TRIM37: variants seen among roughly 807,000 people sequenced by gnomAD.
The protein encoded by TRIM37 is E3 ubiquitin-protein ligase TRIM37.
A neutral mutation model predicts 129.8 loss-of-function variants in TRIM37; 80 were observed. That is an observed-to-expected ratio of 0.62 (90% confidence interval 0.51 to 0.74). The LOEUF (loss-of-function observed/expected upper bound fraction) is 0.74. Ranked by LOEUF, TRIM37 falls within the 30% of genes least tolerant of loss-of-function variation. The probability of loss-of-function intolerance (pLI) is 0.00; values close to 1 mark genes in which losing one functional copy is unlikely to be tolerated. For synonymous variants in TRIM37, 389 were observed against 387.1 expected (o/e 1.00, Z -0.06); for missense variants, 1,054 against 1,176.5 (o/e 0.90, Z 1.52).
intron 1 of TRIM37, chr17:59,104,599 T>C (rs1275076893): frequency 2.8e-6 from 2 of 706,888 alleles, no homozygotes; most frequent in East Asian, 2.6e-5. Flanking sequence ...ACGATGATTC[T>C]ATTCTAAGGA....
intron 18 of TRIM37, among the ~76,000 whole-genome samples, chr17:59,030,192 G>A (rs1024111789): frequency 6.6e-6 from 1 of 151,694 alleles, no homozygotes; most frequent in Non-Finnish European, 1.5e-5. Flanking sequence ...TGCAACCTCC[G>A]ACTCCCAGGT....
Position 59,106,400 on chromosome 17 carries a change from G to A in TRIM37, c.21+41C>T, listed in dbSNP as rs200430171. ...TCCCCGAATAAAAACCGCTCATCGG[G>A]TGGGGGCGGGGACTAACCACCACCC... On this transcript the variant is annotated intron_variant, in intron 1 of 23. Coordinates refer to ENST00000262294, the MANE Select transcript of TRIM37 (RefSeq NM_015294.6). The A allele has an allele frequency of 6.2e-6, 10 of 1,613,538 alleles. No individual in the cohort carries two copies. In the Admixed American group the frequency reaches 1.5e-4, roughly 24 times the overall value.
Position 59,049,222 on chromosome 17 carries a change from CTT to C in TRIM37, c.1484_1485del (p.Lys495ArgfsTer3). On this transcript the variant is annotated frameshift_variant, in exon 15 of 24. Coordinates refer to ENST00000262294, the MANE Select transcript of TRIM37 (RefSeq NM_015294.6). LOFTEE classifies it high-confidence loss of function. ...ATCTTCTCCTCATCTTCTTCATCCT[CTT>C]TGGCCTCTCTTACAGAAGCTGTAGT... The part of the protein sequence containing the change: ...GPTTASVREA[K>X]EDEEDEEKIQ... 1 of 1,614,118 alleles carries C rather than the reference CTT, an allele frequency of 6.2e-7. No individual in the cohort carries two copies. Among genetic ancestry groups the C allele is most frequent in the Non-Finnish European group, 8.5e-7 (1 of 1,180,038 alleles).
At chr17:59,042,448 AAATAT>A (rs1366102959) in intron 16 of TRIM37, among the ~76,000 whole-genome samples, 1 of 45,210 alleles carries the variant, frequency 2.2e-5, no homozygotes, top group Admixed American at 3.3e-4. Context: ...AAAAAAAAAA[AAATAT>A]ATATATATAT....
chr17:58,987,046 C>T (rs192105484), intron 24 of TRIM37, among the ~76,000 whole-genome samples: 19 of 152,272 alleles, frequency 1.2e-4, no homozygotes, highest in African/African-American at 4.6e-4. Flanking sequence ...GCCCCAGTCA[C>T]GCAACCTCCA....
chr17:59,090,261 T>A (rs879309765), intron 3 of TRIM37, among the ~76,000 whole-genome samples: 8 of 152,138 alleles, frequency 5.3e-5, no homozygotes, highest in Non-Finnish European at 8.8e-5. Context: ...GTCACTTTTT[T>A]AAAAAATGAC....
At chr17:59,083,051 AC>A (rs2043436891) in intron 5 of TRIM37, among the ~76,000 whole-genome samples, 1 of 152,058 alleles carries the variant, frequency 6.6e-6, no homozygotes, top group Non-Finnish European at 1.5e-5. Flanking sequence ...CTTCCATTTC[AC>A]CCATAACTTA....
At chr17:59,019,623 G>A (rs1383513123) in intron 19 of TRIM37, among the ~76,000 whole-genome samples, 2 of 152,042 alleles carry the variant, frequency 1.3e-5, no homozygotes, top group Non-Finnish European at 2.9e-5. Flanking sequence ...CAGGAGAATG[G>A]CGTGAACCCG....
intron 19 of TRIM37, among the ~76,000 whole-genome samples, chr17:59,024,488 G>A (rs906079645): frequency 1.3e-5 from 2 of 152,142 alleles, no homozygotes; most frequent in African/African-American, 4.8e-5. Context: ...CACATTCCTA[G>A]ACATGAATGT....
the TRIM37 span, among the ~76,000 whole-genome samples, chr17:58,977,456 A>G: frequency 1.3e-5 from 2 of 151,744 alleles, no homozygotes; most frequent in Non-Finnish European, 2.9e-5. Flanking sequence ...AAAAAAAAAA[A>G]GAAATAATGA....
At chr17:59,036,450 GTGTGT>G (rs1568042133) in intron 17 of TRIM37, among the ~76,000 whole-genome samples, 49 of 130,642 alleles carry the variant, frequency 3.8e-4, no homozygotes, top group African/African-American at 2.9e-4. Flanking sequence ...TGCTGGGGGT[GTGTGT>G]GTGTGTGTGT....
At chr17:59,064,698 C>A (rs1328770603) in intron 9 of TRIM37, among the ~76,000 whole-genome samples, 1 of 152,128 alleles carries the variant, frequency 6.6e-6, no homozygotes, top group African/African-American at 2.4e-5. Context: ...CATCTGAGGT[C>A]GGGAGCTCAA....
chr17:59,028,956 T>C (rs1413762316), intron 18 of TRIM37, among the ~76,000 whole-genome samples: 3 of 152,196 alleles, frequency 2.0e-5, no homozygotes, highest in Admixed American at 6.5e-5. Flanking sequence ...GAATTACACA[T>C]TTAATTCTAA....
chr17:59,007,233 A>ACCCACACC (rs1292517090), intron 22 of TRIM37, among the ~76,000 whole-genome samples: 1 of 41,610 alleles, frequency 2.4e-5, no homozygotes, highest in Non-Finnish European at 4.6e-5. Context: ...CCACCCACCC[A>ACCCACACC]CACACACACA....
chr17:59,105,383 C>T (rs2045902081), intron 1 of TRIM37, among the ~76,000 whole-genome samples: 4 of 152,074 alleles, frequency 2.6e-5, no homozygotes, highest in Admixed American at 6.6e-5. Context: ...TCAAAGCGAT[C>T]TTGGGAACAA....
At chr17:58,987,168 A>G (rs2031894676) in intron 24 of TRIM37, among the ~76,000 whole-genome samples, 1 of 152,242 alleles carries the variant, frequency 6.6e-6, no homozygotes, top group East Asian at 1.9e-4. Context: ...AAAACTGTCA[A>G]GAATGATACA....
chr17:59,023,638 G>A (rs1234522234), intron 19 of TRIM37, among the ~76,000 whole-genome samples: 1 of 151,892 alleles, frequency 6.6e-6, no homozygotes, highest in Admixed American at 6.6e-5. Flanking sequence ...CTGGGTGACA[G>A]AGCAAGACTC....
intron 2 of TRIM37, among the ~76,000 whole-genome samples, chr17:59,099,967 C>T (rs2045308819): frequency 6.6e-6 from 1 of 152,098 alleles, no homozygotes; most frequent in African/African-American, 2.4e-5. Context: ...CCAGGCCTGG[C>T]TAATTTTGTA....
intron 2 of TRIM37, among the ~76,000 whole-genome samples, chr17:59,100,136 C>T (rs1216850056): frequency 6.6e-6 from 1 of 152,080 alleles, no homozygotes; most frequent in Non-Finnish European, 1.5e-5. Flanking sequence ...TAGCATTTCC[C>T]CCTTTATGTC....
Sources: gnomAD v4.1 joint callset for allele counts (sites outside exome capture counted in the v4.1 genomes callset) on GRCh38, gnomAD v4.1.1 for gene constraint, MANE v1.5 for transcripts, NCBI Gene and HGNC (gene_info 2026-07-23, HGNC 2026-07-21) for gene names.